The following NRXN1 variants were observed in gnomAD, a reference collection of about 807,000 sequenced individuals.
NRXN1 encodes the protein neurexin 1.
Under a neutral mutation model 150.9 loss-of-function variants are expected in NRXN1, and 39 were observed. That is an observed-to-expected ratio of 0.26 (90% CI 0.20 to 0.34). NRXN1 has a LOEUF of 0.34. Among genes scored for constraint, NRXN1 ranks in the 10% least tolerant of loss-of-function variants. The pLI is 1.00. For synonymous variants in NRXN1, 924 were observed against 757.0 expected (o/e 1.22, Z -3.62); for missense variants, 1,815 against 1,949.9 (o/e 0.93, Z 1.30).
At chr2:50,531,739 C>T (rs1236160600) in intron 10 of NRXN1, among the ~76,000 whole-genome samples, 4 of 151,962 alleles carry the variant, frequency 2.6e-5, no homozygotes, top group African/African-American at 9.7e-5. Flanking sequence ...GATTATATGC[C>T]CCCCTTCTCA....
chr2:50,589,324 G>C (rs1167612568), intron 8 of NRXN1: 2 of 152,204 alleles, frequency 1.3e-5, no homozygotes, highest in East Asian at 3.9e-4. Flanking sequence ...GGAGATACCT[G>C]CTAGATGCAG....
At chr2:50,579,380 G>A (rs1483021300) in intron 8 of NRXN1, among the ~76,000 whole-genome samples, 1 of 152,232 alleles carries the variant, frequency 6.6e-6, no homozygotes, top group Non-Finnish European at 1.5e-5. Context: ...AGAGTGTGAT[G>A]CAGGGCATGG....
chr2:50,898,312 A>T (rs1217488055), intron 5 of NRXN1, among the ~76,000 whole-genome samples: 3 of 152,044 alleles, frequency 2.0e-5, no homozygotes, highest in Admixed American at 2.0e-4. Context: ...ACTGCTTTCA[A>T]TGTAACTATC....
At chr2:50,556,496 G>A (rs968203580) in intron 8 of NRXN1, among the ~76,000 whole-genome samples, 3 of 149,994 alleles carry the variant, frequency 2.0e-5, no homozygotes, top group African/African-American at 4.9e-5. Flanking sequence ...GTTTCTTTGG[G>A]GACATTGATT....
In NRXN1 at chr2:50,497,558, T is replaced by A. The variant is rs994155010; in HGVS notation, c.2654A>T (p.Asn885Ile). 6.2e-7 allele frequency: 1 copy of A among 1,613,880 alleles called. No homozygotes were observed. Among genetic ancestry groups the A allele is most frequent in the Non-Finnish European group, 8.5e-7 (1 of 1,179,858 alleles). ...NGMAYIDLCK[N>I]GDIDYCELNA... ...AAGCTCACAGTAATCTATGTCGCCA[T>A]TTTTACACAGGTCAATGTATGCCAT... The change falls in exon 14 of 23, where the codon AAT becomes ATT. Residue 885 changes from asparagine to isoleucine, a missense_variant. By Grantham distance (149) the Asn-to-Ile change is moderately radical. Transcript: ENST00000401669.
At chr2:50,679,278 T>A (rs1690008227) in intron 5 of NRXN1, among the ~76,000 whole-genome samples, 1 of 152,118 alleles carries the variant, frequency 6.6e-6, no homozygotes, top group Non-Finnish European at 1.5e-5. Flanking sequence ...GAAGGATTCT[T>A]GGAGTATGGG....
At chr2:50,010,769 T>C (rs962097416) in intron 21 of NRXN1, among the ~76,000 whole-genome samples, 1 of 152,118 alleles carries the variant, frequency 6.6e-6, no homozygotes, top group Non-Finnish European at 1.5e-5. Context: ...AAACAATATA[T>C]ATTTCCTGAG....
chr2:50,530,493 C>G (rs1050785894), intron 11 of NRXN1, among the ~76,000 whole-genome samples: 19 of 152,114 alleles, frequency 1.2e-4, no homozygotes, highest in Admixed American at 6.5e-5. Flanking sequence ...GCAATTCAGA[C>G]TTTTTCCTAA....
chr2:50,087,634 G>T (rs1183187807), intron 19 of NRXN1, among the ~76,000 whole-genome samples: 1 of 152,034 alleles, frequency 6.6e-6, no homozygotes, highest in Admixed American at 6.6e-5. Context: ...ACTTTAAATG[G>T]TTTGTAAAAT....
chr2:50,212,448 A>G (rs2063100871), intron 18 of NRXN1, among the ~76,000 whole-genome samples: 1 of 151,628 alleles, frequency 6.6e-6, no homozygotes, highest in Non-Finnish European at 1.5e-5. Flanking sequence ...GTCTTGTAAG[A>G]GCATCGATTT....
intron 12 of NRXN1, among the ~76,000 whole-genome samples, chr2:50,517,750 TG>T (rs1232948870): frequency 2.0e-5 from 3 of 152,162 alleles, no homozygotes; most frequent in Non-Finnish European, 2.9e-5. Flanking sequence ...GCTTAGAAAT[TG>T]GGGGAACTCA....
chr2:50,586,343 C>G (rs1006955646), intron 8 of NRXN1, among the ~76,000 whole-genome samples: 3 of 152,066 alleles, frequency 2.0e-5, no homozygotes, highest in African/African-American at 7.2e-5. Flanking sequence ...GGGACATGTA[C>G]TTAATTATTT....
intron 17 of NRXN1, chr2:50,312,782 C>T: frequency 1.9e-6 from 1 of 514,306 alleles, no homozygotes; most frequent in South Asian, 1.4e-5. Context: ...TCATTTATCA[C>T]CAGCTAAAAA....
At position 50,552,757 on chromosome 2, in the gene NRXN1, G is replaced by T. The variant is rs529697285; in HGVS notation, c.1589C>A (p.Ala530Asp). The change falls in exon 9 of 23, where the codon GCC (alanine) becomes GAC (aspartate). Residue 530 changes from alanine to aspartate, a missense_variant. By Grantham distance (126) the Ala-to-Asp change is moderately radical. Around this residue, in one of 6 missense-constraint regions of NRXN1, gnomAD observed 638 missense variants for 652.6 expected, o/e 0.98. Transcript: ENST00000401669. ...CACCTTTATCATCTGTGGGTGCTTG[G>T]CATCTTTCTGATGTCTTGGCTTGCC... ...SHGKPRHQKD[A>D]KHPQMIKVDF... The T allele has an allele frequency of 6.8e-6, 11 of 1,613,906 alleles. No individual in the cohort carries two copies. The South Asian group carries it at 1.2e-4, about 18-fold the overall frequency.
intron 15 of NRXN1, among the ~76,000 whole-genome samples, chr2:50,480,059 C>CA (rs1016161818): frequency 6.6e-6 from 1 of 152,184 alleles, no homozygotes; most frequent in Non-Finnish European, 1.5e-5. Context: ...AGGCGTAAGC[C>CA]ACCATGCCCG....
At chr2:50,874,059 A>T (rs893093537) in intron 5 of NRXN1, among the ~76,000 whole-genome samples, 16 of 152,046 alleles carry the variant, frequency 1.1e-4, no homozygotes, top group African/African-American at 3.6e-4. Context: ...GTATTTTGGC[A>T]CACTGCACAT....
intron 5 of NRXN1, among the ~76,000 whole-genome samples, chr2:50,729,399 T>G (rs771709081): frequency 2.0e-4 from 31 of 152,310 alleles, no homozygotes; most frequent in Non-Finnish European, 3.2e-4. Context: ...AAAATCTGCA[T>G]AGTAAGTTGT....
At chr2:50,383,501 T>C (rs143576464) in intron 17 of NRXN1, among the ~76,000 whole-genome samples, 5 of 152,294 alleles carry the variant, frequency 3.3e-5, no homozygotes, top group East Asian at 1.9e-4. Flanking sequence ...TAATTGTACA[T>C]ATTTATGGGG....
intron 21 of NRXN1, among the ~76,000 whole-genome samples, chr2:49,983,594 C>T (rs939617044): frequency 1.3e-5 from 2 of 151,868 alleles, no homozygotes; most frequent in Non-Finnish European, 1.5e-5. Flanking sequence ...TCTTTGAGTC[C>T]TTTAGATAAT....
Sources: allele counts gnomAD v4.1 joint callset (sites outside exome capture counted in the v4.1 genomes callset), GRCh38; gene constraint gnomAD v4.1.1; regional missense constraint gnomAD v4.1.1; transcripts MANE v1.5; gene names NCBI Gene and HGNC (gene_info 2026-07-23, HGNC 2026-07-21).